ADGRL3: variants seen among roughly 807,000 people sequenced by gnomAD.
The protein encoded by ADGRL3 is adhesion G protein-coupled receptor L3.
In ADGRL3, 62 loss-of-function variants were observed where a neutral mutation model predicts 153.5. That is an observed-to-expected ratio of 0.40 (90% CI 0.33 to 0.50). ADGRL3 has a LOEUF of 0.50. ADGRL3 is among the 20% of genes least tolerant of loss of function. The pLI is 0.47. For missense variants in ADGRL3, 1,641 were observed against 1,859.4 expected (o/e 0.88, Z 2.16); for synonymous variants, 710 against 672.5 (o/e 1.06, Z -0.86).
At chr4:62,002,529 C>T (rs2099144053) in intron 21 of ADGRL3, among the ~76,000 whole-genome samples, 1 of 151,282 alleles carries the variant, frequency 6.6e-6, no homozygotes, top group Non-Finnish European at 1.5e-5. Flanking sequence ...AATTGGTTGG[C>T]TCATTACTAT....
At chr4:62,049,416 C>G (rs1732933820) in intron 25 of ADGRL3, among the ~76,000 whole-genome samples, 2 of 152,206 alleles carry the variant, frequency 1.3e-5, no homozygotes, top group African/African-American at 4.8e-5. Flanking sequence ...AGAGATCTGA[C>G]TAGTAAGGGT....
chr4:61,438,104 A>T (rs996976091), intron 2 of ADGRL3, among the ~76,000 whole-genome samples: 1 of 152,098 alleles, frequency 6.6e-6, no homozygotes, highest in African/African-American at 2.4e-5. Flanking sequence ...GGAATTTCTG[A>T]TACTCATCAT....
chr4:61,982,084 A>G (rs2099070349), intron 18 of ADGRL3, among the ~76,000 whole-genome samples: 1 of 152,196 alleles, frequency 6.6e-6, no homozygotes, highest in African/African-American at 2.4e-5. Flanking sequence ...TTATTTTCCA[A>G]GAATGTATCA....
intron 1 of ADGRL3, among the ~76,000 whole-genome samples, chr4:61,314,208 GT>G (rs372800861): frequency 0.016 from 2,318 of 141,936 alleles, 35 homozygotes; most frequent in African/African-American, 0.044. Context: ...CTACTTTGAA[GT>G]TTTTTTTTTT....
At chr4:61,386,391 T>C (rs2096736427) in intron 2 of ADGRL3, among the ~76,000 whole-genome samples, 1 of 152,124 alleles carries the variant, frequency 6.6e-6, no homozygotes, top group African/African-American at 2.4e-5. Context: ...GTGATTAAAC[T>C]TGTCCTAAGA....
intron 3 of ADGRL3, among the ~76,000 whole-genome samples, chr4:61,497,924 GC>G (rs1437558898): frequency 6.6e-6 from 1 of 152,010 alleles, no homozygotes; most frequent in Non-Finnish European, 1.5e-5. Flanking sequence ...TTTAAAAAGA[GC>G]TCTTGCATTT....
rs531921416 is a variant in ADGRL3, at chr4:61,655,809, C to CT, written c.474-21016dup. On this transcript the variant is annotated intron_variant, in intron 5 of 26. Transcript: ENST00000683033. ...GATTTGTTTTAGTTCTTAGAGAACT[C>CT]TAAGTGTACAGTAAACTTGAATTTA... 1.9e-3 allele frequency among the ~76,000 whole-genome samples: 283 copies of CT among 152,258 alleles called. 1 individual carries two copies. Among genetic ancestry groups the CT allele is most frequent in the Middle Eastern group, 3.4e-3 (1 of 294 alleles).
rs776711960 is a variant in ADGRL3 at position 61,732,747 on chromosome 4, C to CCAA, written c.599-4_599-2dup. On this transcript the variant is annotated splice_polypyrimidine_tract_variant and splice_region_variant and intron_variant, in intron 7 of 26. Coordinates refer to ENST00000683033, the MANE Select transcript of ADGRL3 (RefSeq NM_001387552.1). ...TTTATTTATTTTAACTGTTTCCCTT[C>CCAA]CAACAGTTTTTCTTTGTCCTGGACT... The CCAA allele has an allele frequency of 6.8e-6, 10 of 1,462,460 alleles. No homozygotes were observed. The highest frequency in any genetic ancestry group is 9.2e-6 in the Non-Finnish European group (10 of 1,092,828). 90.6% of individuals were successfully genotyped at this position (1,462,460 alleles called of 1,614,324 possible). A position where few individuals can be genotyped will look rare whatever the true frequency, so the allele number is the denominator to read the frequency against.
At chr4:61,948,958 A>G (rs2098936358) in intron 17 of ADGRL3, among the ~76,000 whole-genome samples, 1 of 151,782 alleles carries the variant, frequency 6.6e-6, no homozygotes, top group South Asian at 2.1e-4. Context: ...GCAGGCTAAC[A>G]GTGAAGGCTA....
intron 1 of ADGRL3, among the ~76,000 whole-genome samples, chr4:61,377,720 C>CT (rs1247029498): frequency 1.3e-5 from 2 of 151,808 alleles, no homozygotes; most frequent in Non-Finnish European, 2.9e-5. Context: ...TTCATTCCCT[C>CT]TTTTTTTGCT....
chr4:61,957,680 A>C (rs2150428330), intron 17 of ADGRL3, among the ~76,000 whole-genome samples: 1 of 151,506 alleles, frequency 6.6e-6, no homozygotes, highest in South Asian at 2.1e-4. Context: ...GAAAAAACTA[A>C]ATTAATTTTT....
chr4:61,771,795 G>GCTAACCAC (rs957097769), intron 8 of ADGRL3, among the ~76,000 whole-genome samples: 1 of 152,028 alleles, frequency 6.6e-6, no homozygotes, highest in Non-Finnish European at 1.5e-5. Flanking sequence ...CCTTTTATAG[G>GCTAACCAC]CTAACCACAG....
intron 9 of ADGRL3, among the ~76,000 whole-genome samples, chr4:61,882,392 T>C (rs866178828): frequency 6.6e-6 from 1 of 152,162 alleles, no homozygotes; most frequent in Non-Finnish European, 1.5e-5. Context: ...ATCATTCTAA[T>C]TGTCATTATC....
chr4:61,814,314 A>C (rs946525399), intron 9 of ADGRL3, among the ~76,000 whole-genome samples: 1 of 151,792 alleles, frequency 6.6e-6, no homozygotes, highest in Non-Finnish European at 1.5e-5. Flanking sequence ...TTATTATTCT[A>C]AGTCATTTTA....
intron 1 of ADGRL3, among the ~76,000 whole-genome samples, chr4:61,318,535 C>T (rs2095284823): frequency 6.6e-6 from 1 of 152,106 alleles, no homozygotes; most frequent in African/African-American, 2.4e-5. Context: ...TATAATTTCC[C>T]TGATTTGAGT....
intron 5 of ADGRL3, among the ~76,000 whole-genome samples, chr4:61,622,830 G>T (rs1261492555): frequency 6.6e-6 from 1 of 152,048 alleles, no homozygotes; most frequent in Non-Finnish European, 1.5e-5. Flanking sequence ...TCATATTCAA[G>T]AACTCACTCT....
intron 2 of ADGRL3, among the ~76,000 whole-genome samples, chr4:61,386,549 A>G (rs1056262676): frequency 6.6e-6 from 1 of 152,188 alleles, no homozygotes; most frequent in African/African-American, 2.4e-5. Flanking sequence ...AGCAATTTAC[A>G]AATTTTTACT....
intron 4 of ADGRL3, among the ~76,000 whole-genome samples, chr4:61,555,605 G>T (rs911730549): frequency 1.3e-5 from 2 of 152,136 alleles, no homozygotes; most frequent in African/African-American, 4.8e-5. Context: ...GCAGGAAAGG[G>T]GTTCCAATCC....
In ADGRL3 at chr4:61,903,242, G is replaced by A. The variant is rs192329952; in HGVS notation, c.1888-6318G>A. Among the ~76,000 whole-genome samples the A allele has an allele frequency of 2.3e-3, 343 of 152,022 alleles. 1 individual carries two copies. The highest frequency in any genetic ancestry group is 0.02 in the Middle Eastern group (6 of 294). ...CCTCAATAGCACCCATTAGTATTCCGTTGTACCTTGTATCCCTCAACTTAC... is the reference window on the plus strand; with the variant it reads ...CCTCAATAGCACCCATTAGTATTCCATTGTACCTTGTATCCCTCAACTTAC... On this transcript the variant is annotated intron_variant, in intron 11 of 26. Transcript: ENST00000683033.
Sources: allele counts gnomAD v4.1 joint callset (sites outside exome capture counted in the v4.1 genomes callset), GRCh38; gene constraint gnomAD v4.1.1; transcripts MANE v1.5; gene names NCBI Gene and HGNC (gene_info 2026-07-23, HGNC 2026-07-21).